The following ARHGAP24 variants were observed in gnomAD, a reference collection of about 807,000 sequenced individuals.
The protein encoded by ARHGAP24 is rho GTPase-activating protein 24.
In ARHGAP24, 50 loss-of-function variants were observed where a neutral mutation model predicts 76.4. The ratio of observed to expected loss-of-function variants is 0.65; its 90% CI spans 0.52 to 0.83. The LOEUF (loss-of-function observed/expected upper bound fraction) is 0.83, where lower values mean the gene tolerates loss of function less well. Among genes scored for constraint, ARHGAP24 ranks in the 40% least tolerant of loss-of-function variants. The probability of loss-of-function intolerance (pLI) is 0.00; values close to 1 mark genes in which losing one functional copy is unlikely to be tolerated. For synonymous variants in ARHGAP24, 345 were observed against 323.3 expected (o/e 1.07, Z -0.72); for missense variants, 930 against 914.2 (o/e 1.02, Z -0.22).
At chr4:85,657,320 T>A (rs1283849888) in intron 2 of ARHGAP24, among the ~76,000 whole-genome samples, 1 of 152,102 alleles carries the variant, frequency 6.6e-6, no homozygotes, top group Non-Finnish European at 1.5e-5. Flanking sequence ...AAAGTTAATG[T>A]ATTCTGAATG....
chr4:85,750,485 C>CTTTT lies in ARHGAP24; in HGVS notation c.268+28540_268+28543dup, dbSNP rs60635375. 4.6e-3 allele frequency among the ~76,000 whole-genome samples: 285 copies of CTTTT among 61,640 alleles called. 33 individuals are homozygous for CTTTT. Among genetic ancestry groups the CTTTT allele is most frequent in the African/African-American group, 0.018 (267 of 14,556 alleles). The allele number at this position is 61,640 out of a possible 152,430, so 40.4% of individuals were successfully genotyped here. On this transcript the variant is annotated intron_variant, in intron 3 of 9. Coordinates refer to ENST00000395184, the MANE Select transcript of ARHGAP24 (RefSeq NM_001025616.3). ...GGGATTAACATGACTCTTTTCATTCCTTTTTTTTTTTTTTTTTTTTTTTTT... is the reference window on the plus strand; with the variant it reads ...GGGATTAACATGACTCTTTTCATTCCTTTTTTTTTTTTTTTTTTTTTTTTTTTTT...
At chr4:85,506,225 G>A (rs941965339) in intron 1 of ARHGAP24, among the ~76,000 whole-genome samples, 1 of 152,184 alleles carries the variant, frequency 6.6e-6, no homozygotes, top group African/African-American at 2.4e-5. Context: ...GAGGCAGCGT[G>A]TCTGTTCTCA....
At chr4:85,728,080 C>A (rs1325426256) in intron 3 of ARHGAP24, among the ~76,000 whole-genome samples, 3 of 151,592 alleles carry the variant, frequency 2.0e-5, no homozygotes, top group Non-Finnish European at 4.4e-5. Flanking sequence ...ATTTCCAATA[C>A]CCTCAGACAA....
At chr4:85,790,707 G>C (rs1728079508) in intron 3 of ARHGAP24, among the ~76,000 whole-genome samples, 1 of 152,282 alleles carries the variant, frequency 6.6e-6, no homozygotes, top group South Asian at 2.1e-4. Context: ...TCACATATGG[G>C]AAAGATTTAC....
chr4:85,542,122 A>C (rs1725727803), intron 1 of ARHGAP24, among the ~76,000 whole-genome samples: 1 of 152,178 alleles, frequency 6.6e-6, no homozygotes, highest in African/African-American at 2.4e-5. Flanking sequence ...CAGTGGCTCA[A>C]TAAAATTTTG....
chr4:85,945,786 A>G (rs1001838865), intron 5 of ARHGAP24, among the ~76,000 whole-genome samples: 4 of 151,662 alleles, frequency 2.6e-5, no homozygotes, highest in African/African-American at 7.3e-5. Flanking sequence ...AAAATTATAC[A>G]TGAAAAGAAA....
At chr4:85,795,317 T>C (rs562907093) in intron 3 of ARHGAP24, among the ~76,000 whole-genome samples, 4 of 152,346 alleles carry the variant, frequency 2.6e-5, no homozygotes, top group Admixed American at 2.0e-4. Flanking sequence ...CTATTTTCTA[T>C]TCCCTTCCTT....
intron 2 of ARHGAP24, among the ~76,000 whole-genome samples, chr4:85,578,698 A>G (rs1727487202): frequency 6.6e-6 from 1 of 152,232 alleles, no homozygotes; most frequent in Non-Finnish European, 1.5e-5. Flanking sequence ...ATGCTTACAC[A>G]GTACCTGTCC....
At chr4:85,625,438 A>G (rs868652785) in intron 2 of ARHGAP24, among the ~76,000 whole-genome samples, 2 of 152,084 alleles carry the variant, frequency 1.3e-5, no homozygotes, top group African/African-American at 2.4e-5. Context: ...TCTGAGAGAC[A>G]GTTTGTTATA....
chr4:85,504,922 C>CA (rs1396313654), intron 1 of ARHGAP24, among the ~76,000 whole-genome samples: 3 of 152,210 alleles, frequency 2.0e-5, no homozygotes, highest in Non-Finnish European at 2.9e-5. Context: ...CTGGTGGTGA[C>CA]AAAATCTCTC....
At chr4:85,618,913 A>T (rs4693719) in intron 2 of ARHGAP24, among the ~76,000 whole-genome samples, 1 of 151,916 alleles carries the variant, frequency 6.6e-6, no homozygotes, top group Non-Finnish European at 1.5e-5. Flanking sequence ...ATTTTCTGCC[A>T]TTCTGTAGAT....
At chr4:85,885,426 C>T (rs1733510492) in intron 3 of ARHGAP24, among the ~76,000 whole-genome samples, 1 of 152,008 alleles carries the variant, frequency 6.6e-6, no homozygotes, top group South Asian at 2.1e-4. Context: ...TAGAAACTCA[C>T]GAATACCTAT....
In ARHGAP24 at chr4:85,523,033, C is replaced by T. The variant is rs112694201; in HGVS notation, c.-21+47474C>T. On this transcript the variant is annotated intron_variant, in intron 1 of 9. Transcript: ENST00000395184. ...TCATTCGACTCTTTGGTGGCTAACACGCTCCCAGGTGGCTCTGCCAGTCTT... is the reference window on the plus strand; with the variant it reads ...TCATTCGACTCTTTGGTGGCTAACATGCTCCCAGGTGGCTCTGCCAGTCTT... Among the ~76,000 whole-genome samples the T allele has an allele frequency of 1.6e-4, 24 of 152,280 alleles. 1 individual carries two copies. The highest frequency in any genetic ancestry group is 5.3e-4 in the African/African-American group (22 of 41,560).
intron 3 of ARHGAP24, among the ~76,000 whole-genome samples, chr4:85,902,675 C>G (rs1734567664): frequency 6.6e-6 from 1 of 152,226 alleles, no homozygotes; most frequent in Non-Finnish European, 1.5e-5. Flanking sequence ...GCGATTTTGG[C>G]TCACTGCAAC....
intron 2 of ARHGAP24, among the ~76,000 whole-genome samples, chr4:85,574,786 G>A (rs961259508): frequency 3.3e-5 from 5 of 152,100 alleles, no homozygotes; most frequent in African/African-American, 1.2e-4. Flanking sequence ...ATTGCTATGA[G>A]AACACACTAT....
intron 2 of ARHGAP24, among the ~76,000 whole-genome samples, chr4:85,639,140 A>C (rs1400542371): frequency 1.3e-5 from 2 of 152,186 alleles, no homozygotes; most frequent in Admixed American, 1.3e-4. Context: ...GCCCAAAAGA[A>C]GAGAATGTAG....
At chr4:85,666,903 A>G (rs976002113) in intron 2 of ARHGAP24, among the ~76,000 whole-genome samples, 4 of 152,182 alleles carry the variant, frequency 2.6e-5, no homozygotes, top group Non-Finnish European at 4.4e-5. Flanking sequence ...CAGTCTGCCC[A>G]TACTGGGGGG....
chr4:85,879,180 A>T (rs1434418149), intron 3 of ARHGAP24, among the ~76,000 whole-genome samples: 1 of 152,232 alleles, frequency 6.6e-6, no homozygotes, highest in African/African-American at 2.4e-5. Context: ...TTTCAACATC[A>T]TGATCTTGTT....
At chr4:85,559,805 G>A (rs1207229039) in intron 1 of ARHGAP24, among the ~76,000 whole-genome samples, 1 of 152,092 alleles carries the variant, frequency 6.6e-6, no homozygotes, top group Admixed American at 6.5e-5. Flanking sequence ...GCCATATGAT[G>A]AAATGATAGT....
Sources: gnomAD v4.1 joint callset for allele counts (sites outside exome capture counted in the v4.1 genomes callset) on GRCh38, gnomAD v4.1.1 for gene constraint, MANE v1.5 for transcripts, NCBI Gene and HGNC (gene_info 2026-07-23, HGNC 2026-07-21) for gene names.